SPOCD1: variants seen among roughly 807,000 people sequenced by gnomAD.
SPOCD1 encodes the protein SPOC domain-containing protein 1.
A neutral mutation model predicts 92.2 loss-of-function variants in SPOCD1; 64 were observed. The observed-to-expected ratio is 0.69, with a 90% CI of 0.57 to 0.86. The LOEUF (loss-of-function observed/expected upper bound fraction) is 0.86, where lower values mean the gene tolerates loss of function less well. Ranked by LOEUF, SPOCD1 falls within the 40% of genes least tolerant of loss-of-function variation. SPOCD1 has a pLI of 0.00. For synonymous variants in SPOCD1, 578 were observed against 619.3 expected, an observed-to-expected ratio of 0.93 and a Z score of 0.99; for missense variants, 1,360 against 1,543.1, an observed-to-expected ratio of 0.88 and a Z score of 1.99.
At chr1:31,801,774 A>T in intron 2 of SPOCD1, 69 bp from the exon 3 acceptor site, 1 of 1,291,634 alleles carries the variant, frequency 7.7e-7, no homozygotes, top group Non-Finnish European at 1.1e-6. Flanking sequence ...GGGAATTCAC[A>T]AAAAGAAGAC....
intron 2 of SPOCD1, among the ~76,000 whole-genome samples, chr1:31,812,068 G>A (rs1443964991): frequency 6.6e-6 from 1 of 152,140 alleles, no homozygotes; most frequent in Admixed American, 6.5e-5. Flanking sequence ...GTCACTAACA[G>A]GTAACCTATT....
intron 2 of SPOCD1, among the ~76,000 whole-genome samples, chr1:31,809,974 T>C (rs1229143287): frequency 1.3e-5 from 2 of 152,142 alleles, no homozygotes; most frequent in Non-Finnish European, 1.5e-5. Context: ...GCAATGCAGC[T>C]CTGCAGAGCA....
At chr1:31,801,773 C>A in intron 2 of SPOCD1, 68 bp from the exon 3 acceptor site, 1 of 1,298,294 alleles carries the variant, frequency 7.7e-7, no homozygotes, top group African/African-American at 1.5e-5. Flanking sequence ...AGGGAATTCA[C>A]AAAAAGAAGA....
intron 1 of SPOCD1, 29 bp from the exon 2 acceptor site, chr1:31,815,401 G>C: frequency 6.9e-7 from 1 of 1,459,402 alleles, no homozygotes; most frequent in East Asian, 2.3e-5. Flanking sequence ...AGGAGACTTT[G>C]TCTTGGAGAG....
intron 6 of SPOCD1, 84 bp downstream of exon 6, chr1:31,799,725 G>T: frequency 6.7e-7 from 1 of 1,492,260 alleles, no homozygotes; most frequent in Non-Finnish European, 9.3e-7. Flanking sequence ...CATAGCAGGG[G>T]CTGGGCCCAG....
Position 31,806,784 on chromosome 1 carries a change from A to T in SPOCD1, c.1384-5079T>A, listed in dbSNP as rs976839278. ...TGGCCAGGCTGGTCTCAAACTCCTG[A>T]CCTCATTATCCGCCCGCCTAGGCCT... On this transcript the variant is annotated intron_variant, in intron 2 of 15. Coordinates refer to ENST00000360482, the MANE Select transcript of SPOCD1 (RefSeq NM_144569.7). Among the ~76,000 whole-genome samples, 19 of 152,168 alleles carry T rather than the reference A, an allele frequency of 1.2e-4. No individual in the cohort carries two copies. The South Asian group carries it at 2.9e-3, about 23-fold the overall frequency.
At chr1:31,802,201 A>G (rs1648516559) in intron 2 of SPOCD1, among the ~76,000 whole-genome samples, 1 of 152,186 alleles carries the variant, frequency 6.6e-6, no homozygotes, top group African/African-American at 2.4e-5. Context: ...AATGGTTAAT[A>G]AATGGTGACA....
intron 10 of SPOCD1, chr1:31,796,285 C>G (rs1648013031): frequency 2.2e-6 from 1 of 459,834 alleles, no homozygotes; most frequent in South Asian, 2.0e-5. Context: ...CAGCAGAGAT[C>G]TGGGCAGAAT....
Position 31,814,862 on chromosome 1 carries a change from C to G in SPOCD1, c.472G>C (p.Glu158Gln). 1.2e-6 allele frequency: 2 copies of G among 1,613,504 alleles called. No homozygotes were observed. Among genetic ancestry groups the G allele is most frequent in the Non-Finnish European group, 1.7e-6 (2 of 1,179,928 alleles). Residue 158 changes from glutamate to glutamine, a missense_variant, in exon 2 of 16, where the codon GAG (glutamate) becomes CAG (glutamine). Coordinates refer to ENST00000360482, the MANE Select transcript of SPOCD1 (RefSeq NM_144569.7). This position sits in a 1 kb window ranked among gnomAD's most constrained non-coding sequence, Gnocchi z 4.2. ...ACRERLAGVE[E>Q]VSCLRPREAR... is the part of the protein sequence containing the mutation. ...TCCCTGGGCCTGAGGCAGCTCACCTCCTCCACTCCTGCAAGCCTCTCCCTG... is the reference window on the plus strand; with the variant it reads ...TCCCTGGGCCTGAGGCAGCTCACCTGCTCCACTCCTGCAAGCCTCTCCCTG...
Position 31,798,623 on chromosome 1 carries a change from G to C in SPOCD1, c.1869-22C>G, listed in dbSNP as rs79366319. The C allele has an allele frequency of 3.1e-6, 5 of 1,607,532 alleles. No individual in the cohort carries two copies. The highest frequency in any genetic ancestry group is 4.2e-6 in the Non-Finnish European group (5 of 1,177,746). On this transcript the variant is annotated intron_variant, in intron 7 of 15. Coordinates refer to ENST00000360482, the MANE Select transcript of SPOCD1 (RefSeq NM_144569.7). This position sits in a 1 kb window ranked among gnomAD's most constrained non-coding sequence, Gnocchi z 4.1. The stretch of plus-strand genomic sequence containing the variant: ...AAGGCTGTGGAGGCCAGGGCAGGGC[G>C]GGGGCACTGAGCCCAGGAGGCTCTC...
At chr1:31,791,445 A>G in intron 15 of SPOCD1, 154 bp from the exon 16 acceptor site, 1 of 549,110 alleles carries the variant, frequency 1.8e-6, no homozygotes, top group Non-Finnish European at 3.0e-6. Flanking sequence ...CTGCGGGATC[A>G]AGGCTTATCT....
intron 2 of SPOCD1, among the ~76,000 whole-genome samples, chr1:31,810,821 T>G (rs1649148306): frequency 6.6e-6 from 1 of 152,216 alleles, no homozygotes; most frequent in South Asian, 2.1e-4. Flanking sequence ...ACAGCATACC[T>G]TGAACCAGGG....
At position 31,814,290 on chromosome 1, in the gene SPOCD1, CCGCA is replaced by C. The variant is rs745345510; in HGVS notation, c.1040_1043del (p.Val347GlyfsTer78). The C allele has an allele frequency of 6.3e-7, 1 of 1,577,416 alleles. No homozygotes were observed. Among genetic ancestry groups the C allele is most frequent in the Non-Finnish European group, 8.6e-7 (1 of 1,158,578 alleles). ...GAGCCTGGCCTTCATCGCTGCCAGT[CCGCA>C]CGACACACACAGCTTCTTGCTGCTC... On this transcript the variant is annotated frameshift_variant, in exon 2 of 16. Transcript: ENST00000360482. LOFTEE classifies it high-confidence loss of function. This position sits in a 1 kb window ranked among gnomAD's most constrained non-coding sequence, Gnocchi z 4.2.
rs1280070027 is a variant in SPOCD1, at chr1:31,790,683, G to A, written c.3571C>T (p.Pro1191Ser). 6.4e-7 allele frequency: 1 copy of A among 1,551,816 alleles called. No individual in the cohort carries two copies. Among genetic ancestry groups the A allele is most frequent in the African/African-American group, 1.4e-5 (1 of 73,082 alleles). ...RLSSALAAPE[P>S]PGPARDSSLG... is the part of the protein sequence containing the mutation. Reference sequence around the variant, plus strand: ...GAGGAGTCACGGGCTGGGCCAGGGGGCTCTGGAGCTGCAAGGGCGCTAGAC... The same window carrying A: ...GAGGAGTCACGGGCTGGGCCAGGGGACTCTGGAGCTGCAAGGGCGCTAGAC... Residue 1191 changes from proline to serine, a missense_variant, in exon 16 of 16, where the codon CCC becomes TCC. By Grantham distance (74) the Pro-to-Ser change is moderately conservative. Around this residue, in one of 3 missense-constraint regions of SPOCD1, gnomAD observed 614 missense variants for 757.8 expected, o/e 0.81. Transcript: ENST00000360482.
Position 31,800,198 on chromosome 1 carries a change from C to T in SPOCD1, c.1603-57G>A, listed in dbSNP as rs1648348679. On this transcript the variant is annotated intron_variant, in intron 4 of 15. Transcript: ENST00000360482. ...GGAAATGGAGGCCAGGGACTGTTCC[C>T]TCCCCAGATGTACTGGAGGCCCAGC... 4.6e-6 allele frequency: 7 copies of T among 1,530,020 alleles called. No homozygotes were observed. The South Asian group carries it at 8.7e-5, about 19-fold the overall frequency. 94.8% of individuals were successfully genotyped at this position (1,530,020 alleles called of 1,614,324 possible).
chr1:31,793,322 C>A lies in SPOCD1; in HGVS notation c.2641G>T (p.Ala881Ser). The A allele has an allele frequency of 6.3e-7, 1 of 1,591,026 alleles. No homozygotes were observed. The highest frequency in any genetic ancestry group is 1.8e-5 in the Admixed American group (1 of 56,644). The change falls in exon 13 of 16, where the codon GCC (alanine) becomes TCC (serine). Residue 881 changes from alanine (A) to serine (S), a missense_variant. By Grantham distance (99) the Ala-to-Ser change is moderately conservative. Around this residue, in one of 3 missense-constraint regions of SPOCD1, gnomAD observed 614 missense variants for 757.8 expected, o/e 0.81. Coordinates refer to ENST00000360482, the MANE Select transcript of SPOCD1 (RefSeq NM_144569.7). ...LDMFSIKRFRARAQLVSGHSC... is the reference protein window; with the variant it reads ...LDMFSIKRFRSRAQLVSGHSC... ...TGTCCCGAGACCAGCTGGGCCCTGG[C>A]CCGGAACCGCTTGATGGAGAACATG...
At chr1:31,801,794 G>A (rs1344773994) in intron 2 of SPOCD1, 89 bp from the exon 3 acceptor site, 1 of 1,101,518 alleles carries the variant, frequency 9.1e-7, no homozygotes, top group South Asian at 1.2e-5. Context: ...CAATCTTGTT[G>A]AAAGGGTGTG....
intron 3 of SPOCD1, 106 bp downstream of exon 3, chr1:31,801,558 G>C: frequency 1.0e-6 from 1 of 999,256 alleles, no homozygotes; most frequent in Non-Finnish European, 1.6e-6. Context: ...GGGAGGGCAG[G>C]CTGGGTGGGG....
At position 31,814,293 on chromosome 1, in the gene SPOCD1, C is replaced by A; in HGVS notation, c.1041G>T (p.Val347=). ...SAEQQEAVCV[V]RTGSDEGQAP... is the part of the protein sequence containing the mutation. The stretch of plus-strand genomic sequence containing the variant: ...CCTGGCCTTCATCGCTGCCAGTCCG[C>A]ACGACACACACAGCTTCTTGCTGCT... Residue 347 remains valine (V), a synonymous_variant, in exon 2 of 16, where the codon GTG becomes GTT. Coordinates refer to ENST00000360482, the MANE Select transcript of SPOCD1 (RefSeq NM_144569.7). The surrounding 1 kb of genome is among the most constrained non-coding windows in gnomAD (Gnocchi z 4.2). The A allele has an allele frequency of 6.3e-7, 1 of 1,576,522 alleles. No individual in the cohort carries two copies. Among genetic ancestry groups the A allele is most frequent in the Non-Finnish European group, 8.6e-7 (1 of 1,157,736 alleles).
Sources: allele counts gnomAD v4.1 joint callset (sites outside exome capture counted in the v4.1 genomes callset), GRCh38; gene constraint gnomAD v4.1.1; regional missense constraint gnomAD v4.1.1; non-coding constraint Gnocchi (gnomAD v3.1); transcripts MANE v1.5; gene names NCBI Gene and HGNC (gene_info 2026-07-23, HGNC 2026-07-21).